Variants in C10orf67 observed in about 807,000 individuals in gnomAD.
The protein encoded by C10orf67 is uncharacterized protein C10orf67, mitochondrial.
In C10orf67, 60 loss-of-function variants were observed where a neutral mutation model predicts 35.6. The ratio of observed to expected loss-of-function variants is 1.68; its 90% CI spans 1.37 to 2.09. The LOEUF (loss-of-function observed/expected upper bound fraction) is 2.09, where lower values mean the gene tolerates loss of function less well. Among genes scored for constraint, C10orf67 ranks in the 30% most tolerant of loss-of-function variants. The pLI is 0.00. For missense variants in C10orf67, 474 were observed against 330.2 expected (o/e 1.44, Z -3.38); for synonymous variants, 167 against 115.8 (o/e 1.44, Z -2.84).
chr10:23,233,710 A>G (rs1841970053), intron 13 of C10orf67, among the ~76,000 whole-genome samples: 1 of 152,256 alleles, frequency 6.6e-6, no homozygotes, highest in African/African-American at 2.4e-5. Context: ...TGATGAAATT[A>G]GGGCTGAGAC....
intron 4 of C10orf67, among the ~76,000 whole-genome samples, chr10:23,319,075 G>T (rs1216700185): frequency 1.3e-5 from 2 of 152,220 alleles, no homozygotes; most frequent in East Asian, 3.9e-4. Flanking sequence ...CACGTCACAG[G>T]GTTTGGTGTA....
intron 13 of C10orf67, among the ~76,000 whole-genome samples, chr10:23,225,342 C>T (rs1333961476): frequency 1.3e-5 from 2 of 152,132 alleles, no homozygotes; most frequent in Non-Finnish European, 2.9e-5. Flanking sequence ...CACCACCAGG[C>T]CTGCCCTAAA....
chr10:23,275,940 T>C (rs1024206748), intron 8 of C10orf67, among the ~76,000 whole-genome samples: 2 of 152,214 alleles, frequency 1.3e-5, no homozygotes, highest in African/African-American at 4.8e-5. Flanking sequence ...TCCTACAGTT[T>C]CCATTCTGCC....
intron 4 of C10orf67, among the ~76,000 whole-genome samples, chr10:23,319,431 ATG>A (rs907399011): frequency 3.3e-5 from 5 of 151,998 alleles, no homozygotes; most frequent in Non-Finnish European, 7.4e-5. Context: ...GGTTAATTTC[ATG>A]TCTTTGCTAT....
chr10:23,212,032 T>C (rs1353170885), intron 15 of C10orf67, among the ~76,000 whole-genome samples: 12 of 152,226 alleles, frequency 7.9e-5, no homozygotes, highest in African/African-American at 7.2e-5. Context: ...ATAGGGTCTT[T>C]GCAGATGATC....
intron 7 of C10orf67, among the ~76,000 whole-genome samples, chr10:23,285,371 A>AT: frequency 6.7e-6 from 1 of 148,538 alleles, no homozygotes; most frequent in African/African-American, 2.4e-5. Flanking sequence ...AATTTGTTAT[A>AT]TATATTATAT....
At chr10:23,309,399 G>T (rs1267141939) in intron 4 of C10orf67, among the ~76,000 whole-genome samples, 2 of 152,144 alleles carry the variant, frequency 1.3e-5, no homozygotes, top group African/African-American at 4.8e-5. Flanking sequence ...AGGGAAAAAG[G>T]TGGCAGGGAG....
Position 23,275,417 on chromosome 10 carries a change from G to A in C10orf67, c.975+6596C>T, listed in dbSNP as rs554063823. Among the ~76,000 whole-genome samples the A allele has an allele frequency of 1.7e-3, 255 of 152,216 alleles. 2 individuals carry two copies. The highest frequency in any genetic ancestry group is 5.8e-3 in the African/African-American group (240 of 41,534). ...TAAGTCCTGCCTCTCAAAACCCTTC[G>A]GGAAGAGATTGTCCCCCTTGTGTTG... is the stretch of plus-strand genomic sequence containing the variant. On this transcript the variant is annotated intron_variant, in intron 8 of 15. Transcript: ENST00000636213.
chr10:23,341,894 G>A (rs1845902817), intron 1 of C10orf67, among the ~76,000 whole-genome samples: 1 of 152,130 alleles, frequency 6.6e-6, no homozygotes, highest in African/African-American at 2.4e-5. Context: ...AGTCCAGGCC[G>A]GGTATGGTGG....
At chr10:23,237,098 A>G (rs141542113) in intron 13 of C10orf67, among the ~76,000 whole-genome samples, 80 of 152,014 alleles carry the variant, frequency 5.3e-4, no homozygotes, top group African/African-American at 1.8e-3. Context: ...TGTGTACTCA[A>G]TGTTTAGCTC....
At chr10:23,206,845 A>T (rs1841170596) in intron 15 of C10orf67, among the ~76,000 whole-genome samples, 1 of 152,230 alleles carries the variant, frequency 6.6e-6, no homozygotes, top group African/African-American at 2.4e-5. Flanking sequence ...ATTTATTATT[A>T]GAGTTTCTAG....
At chr10:23,246,818 A>T (rs1217857579) in intron 12 of C10orf67, among the ~76,000 whole-genome samples, 2 of 152,212 alleles carry the variant, frequency 1.3e-5, no homozygotes, top group Non-Finnish European at 1.5e-5. Flanking sequence ...AAGAATATAA[A>T]GGAAAAAATT....
At chr10:23,223,891 C>A in intron 13 of C10orf67, 73 bp from the exon 14 acceptor site, 1 of 698,608 alleles carries the variant, frequency 1.4e-6, no homozygotes, top group South Asian at 1.5e-5. Context: ...CGTTAATGTT[C>A]TCCAGCCTTT....
At chr10:23,317,423 C>G (rs550164320) in intron 4 of C10orf67, 1 of 152,222 alleles carries the variant, frequency 6.6e-6, no homozygotes, top group South Asian at 2.1e-4. Flanking sequence ...CCTCTAGGAG[C>G]GTGGAGCTCC....
intron 13 of C10orf67, among the ~76,000 whole-genome samples, chr10:23,236,078 C>T (rs1842039350): frequency 6.6e-6 from 1 of 151,848 alleles, no homozygotes; most frequent in Non-Finnish European, 1.5e-5. Flanking sequence ...GAAACCCCGT[C>T]TCTACTAAAA....
At chr10:23,241,963 A>ATTT (rs142155844) in intron 12 of C10orf67, among the ~76,000 whole-genome samples, 1 of 148,692 alleles carries the variant, frequency 6.7e-6, no homozygotes, top group African/African-American at 2.5e-5. Flanking sequence ...AAGAACTGAC[A>ATTT]TTTTTTTTTT....
chr10:23,263,677 T>TG (rs1392383573), intron 10 of C10orf67, among the ~76,000 whole-genome samples: 1 of 152,186 alleles, frequency 6.6e-6, no homozygotes, highest in Non-Finnish European at 1.5e-5. Context: ...GGTTACCCCA[T>TG]GGAAGCTCAG....
chr10:23,322,552 T>C lies in C10orf67; in HGVS notation c.328-15A>G. 1 of 1,559,664 alleles carries C rather than the reference T, an allele frequency of 6.4e-7. No homozygotes were observed. Among genetic ancestry groups the C allele is most frequent in the East Asian group, 2.2e-5 (1 of 44,476 alleles). ...GATTTCATCATCTAAAAATGGAAAA[T>C]ATTATCCTTAGCGAAGTAACACAGG... is the stretch of plus-strand genomic sequence containing the variant. On this transcript the variant is annotated splice_polypyrimidine_tract_variant and intron_variant, in intron 2 of 15. Coordinates refer to ENST00000636213, the MANE Select transcript of C10orf67 (RefSeq NM_001371909.1).
chr10:23,314,810 C>A (rs1232221569), intron 4 of C10orf67, among the ~76,000 whole-genome samples: 2 of 152,142 alleles, frequency 1.3e-5, no homozygotes, highest in African/African-American at 4.8e-5. Flanking sequence ...AACAGAGAGA[C>A]TCTAGCAAGA....
Sources: allele counts gnomAD v4.1 joint callset (sites outside exome capture counted in the v4.1 genomes callset), GRCh38; gene constraint gnomAD v4.1.1; transcripts MANE v1.5; gene names NCBI Gene and HGNC (gene_info 2026-07-23, HGNC 2026-07-21).